TECPR1: variants seen among roughly 807,000 people sequenced by gnomAD.
TECPR1 encodes tectonin beta-propeller repeat containing 1.
Under a neutral mutation model 162.4 loss-of-function variants are expected in TECPR1, and 122 were observed. The ratio of observed to expected loss-of-function variants is 0.75; its 90% CI spans 0.65 to 0.87. The LOEUF (loss-of-function observed/expected upper bound fraction) is 0.87, where lower values mean the gene tolerates loss of function less well. TECPR1 is among the 40% of genes least tolerant of loss of function. TECPR1 has a pLI of 0.00. For synonymous variants in TECPR1, 642 were observed against 670.6 expected (o/e 0.96, Z 0.66); for missense variants, 1,432 against 1,618.2 (o/e 0.88, Z 1.97).
Position 98,225,046 on chromosome 7 carries a change from G to T in TECPR1, c.2570C>A (p.Thr857Lys). 6.4e-7 allele frequency: 1 copy of T among 1,562,018 alleles called. No homozygotes were observed. Among genetic ancestry groups the T allele is most frequent in the Admixed American group, 1.9e-5 (1 of 51,624 alleles). Residue 857 changes from threonine to lysine, a missense_variant, in exon 18 of 26, where the codon ACG becomes AAG. Transcript: ENST00000447648. The part of the protein sequence containing the change: ...WSDASGLQEC[T>K]KAGTKPPSLQ... ...GGACGGGGGCTTCGTGCCAGCCTTCGTGCACTCCTGCAGCCCCGAGGCATC... is the reference window on the plus strand; with the variant it reads ...GGACGGGGGCTTCGTGCCAGCCTTCTTGCACTCCTGCAGCCCCGAGGCATC...
intron 22 of TECPR1, among the ~76,000 whole-genome samples, 167 bp from the exon 23 acceptor site, chr7:98,221,920 G>C (rs1008996868): frequency 2.0e-5 from 3 of 152,138 alleles, no homozygotes; most frequent in Non-Finnish European, 4.4e-5. Context: ...ACTGTGCCTG[G>C]GGTCTCTGGA....
chr7:98,223,625 GC>G (rs759447312), intron 20 of TECPR1, 36 bp downstream of exon 20: 9 of 1,611,776 alleles, frequency 5.6e-6, no homozygotes, highest in Non-Finnish European at 7.6e-6. Flanking sequence ...TCCTCCAGGA[GC>G]CTGACCGTGA....
At position 98,229,158 on chromosome 7, in the gene TECPR1, C is replaced by T. The variant is rs774618751; in HGVS notation, c.2291G>A (p.Arg764Gln). 1.2e-5 allele frequency: 18 copies of T among 1,559,458 alleles called. No individual in the cohort carries two copies. The highest frequency in any genetic ancestry group is 1.5e-5 in the Non-Finnish European group (17 of 1,152,150). Residue 764 changes from arginine (R) to glutamine (Q), a missense_variant, in exon 16 of 26, where the codon CGG becomes CAG. Coordinates refer to ENST00000447648, the MANE Select transcript of TECPR1 (RefSeq NM_015395.3). Reference protein sequence around the residue: ...HPLPCDQMFWRQMGGHLRMVE... With the variant: ...HPLPCDQMFWQQMGGHLRMVE... ...CATCCGCAGGTGGCCTCCCATCTGC[C>T]GCCAAAACCTGGAAGGATGGGAGAG...
intron 18 of TECPR1, 46 bp from the exon 19 acceptor site, chr7:98,224,926 G>A (rs1479197491): frequency 2.6e-6 from 4 of 1,549,610 alleles, no homozygotes; most frequent in Non-Finnish European, 3.5e-6. Flanking sequence ...GAATCCAGAA[G>A]GCAGTCAGAA....
rs1191673100 is a variant in TECPR1 at position 98,224,835 on chromosome 7, G to C, written c.2656C>G (p.Gln886Glu). The change falls in exon 19 of 26, where the codon CAG becomes GAG. Residue 886 changes from glutamine (Q) to glutamate (E), a missense_variant. Physicochemically the swap from Gln to Glu is conservative, Grantham distance 29. Coordinates refer to ENST00000447648, the MANE Select transcript of TECPR1 (RefSeq NM_015395.3). ...VDFSVPGGTD[Q>E]EGWQYASDFP... ...TCGCTGGCATACTGCCACCCCTCCTGGTCCGTGCCCCCCGGAACGCTGAAA... is the reference window on the plus strand; with the variant it reads ...TCGCTGGCATACTGCCACCCCTCCTCGTCCGTGCCCCCCGGAACGCTGAAA... The C allele has an allele frequency of 6.3e-7, 1 of 1,580,590 alleles. No homozygotes were observed. The highest frequency in any genetic ancestry group is 8.6e-7 in the Non-Finnish European group (1 of 1,164,142).
At chr7:98,219,995 C>A (rs1329813732) in intron 23 of TECPR1, among the ~76,000 whole-genome samples, 1 of 151,958 alleles carries the variant, frequency 6.6e-6, no homozygotes, top group Non-Finnish European at 1.5e-5. Flanking sequence ...CCAAACCACA[C>A]TGAGATATTA....
At chr7:98,243,620 C>T (rs771317005) in intron 5 of TECPR1, 28 bp from the exon 6 acceptor site, 7 of 1,603,768 alleles carry the variant, frequency 4.4e-6, no homozygotes, top group Non-Finnish European at 5.1e-6. Flanking sequence ...GAAATGGTAG[C>T]AGTCAGCGCC....
chr7:98,223,794 T>C (rs1255801430), intron 19 of TECPR1, 76 bp from the exon 20 acceptor site: 15 of 1,516,480 alleles, frequency 9.9e-6, no homozygotes, highest in Non-Finnish European at 2.7e-6. Context: ...GTAAACATTC[T>C]TGTTCTACCC....
rs979998738 is a variant in TECPR1, at chr7:98,217,640, C to T, written c.3384+52G>A. 8 of 1,518,706 alleles carry T rather than the reference C, an allele frequency of 5.3e-6. No individual in the cohort carries two copies. In the Admixed American group the frequency reaches 6.0e-5, roughly 11 times the overall value. The allele number at this position is 1,518,706 out of a possible 1,614,324, so 94.1% of individuals were successfully genotyped here. A position where few individuals can be genotyped will look rare whatever the true frequency, so the allele number is the denominator to read the frequency against. On this transcript the variant is annotated intron_variant, in intron 25 of 25. Coordinates refer to ENST00000447648, the MANE Select transcript of TECPR1 (RefSeq NM_015395.3). ...ACAGTGGTCGTCCCGTCTTCAGCAC[C>T]CAGTGCAGGCACAAGGTGATAACAC...
intron 25 of TECPR1, 26 bp from the exon 26 acceptor site, chr7:98,217,529 G>A (rs1436098911): frequency 6.8e-7 from 1 of 1,477,938 alleles, no homozygotes; most frequent in South Asian, 1.2e-5. Flanking sequence ...TGTGTCACCA[G>A]GGGACTCGGG....
intron 2 of TECPR1, among the ~76,000 whole-genome samples, chr7:98,247,554 C>T (rs1253477998): frequency 2.6e-5 from 4 of 152,090 alleles, no homozygotes. Context: ...GCAGGTCTCC[C>T]CGCCATGTTG....
intron 20 of TECPR1, among the ~76,000 whole-genome samples, chr7:98,223,405 C>T (rs1798193253): frequency 1.3e-5 from 2 of 148,172 alleles, no homozygotes; most frequent in Admixed American, 1.4e-4. Context: ...GTGGAGTGTG[C>T]CAGTGACATT....
At chr7:98,222,756 C>T in intron 21 of TECPR1, 1 of 786,270 alleles carries the variant, frequency 1.3e-6, no homozygotes, top group Non-Finnish European at 2.1e-6. Context: ...CACCGGGGTG[C>T]TGACCACCAA....
chr7:98,249,175 C>T (rs1451957941), intron 2 of TECPR1, among the ~76,000 whole-genome samples: 4 of 152,120 alleles, frequency 2.6e-5, no homozygotes, highest in East Asian at 1.9e-4. Flanking sequence ...CTGGCCCTGG[C>T]TGGGACAAGG....
At chr7:98,234,705 C>CTTTTTTTTTTT (rs34332931) in intron 10 of TECPR1, among the ~76,000 whole-genome samples, 4 of 73,500 alleles carry the variant, frequency 5.4e-5, no homozygotes, top group Non-Finnish European at 7.6e-5. Flanking sequence ...TTGTTATTGT[C>CTTTTTTTTTTT]TTTTTTTTTT....
intron 17 of TECPR1, 34 bp from the exon 18 acceptor site, chr7:98,225,136 G>A (rs1329121919): frequency 6.5e-7 from 1 of 1,539,056 alleles, no homozygotes; most frequent in Admixed American, 2.0e-5. Context: ...TGACGAGGGA[G>A]ACTGGGGAAT....
chr7:98,235,849 A>AAAAAAAAAAAAAAAAAAC, intron 10 of TECPR1, among the ~76,000 whole-genome samples: 1 of 110,258 alleles, frequency 9.1e-6, no homozygotes, highest in African/African-American at 3.1e-5. Flanking sequence ...AAAAAAAAAA[A>AAAAAAAAAAAAAAAAAAC]AACACCATCT....
chr7:98,229,987 T>C (rs1479837156), intron 15 of TECPR1, among the ~76,000 whole-genome samples: 2 of 147,844 alleles, frequency 1.4e-5, no homozygotes, highest in Non-Finnish European at 3.0e-5. Flanking sequence ...ATTCCCCCTT[T>C]GTGGCTTTTT....
chr7:98,233,591 T>G lies in TECPR1; in HGVS notation c.1502A>C (p.His501Pro), dbSNP rs1352686011. The G allele has an allele frequency of 6.3e-7, 1 of 1,588,892 alleles. No homozygotes were observed. Among genetic ancestry groups the G allele is most frequent in the East Asian group, 2.2e-5 (1 of 44,576 alleles). ...GGTCTCGGGGAAGCCAGCGGCCGAG[T>G]GGCTGGGCACTTTCTTGGCCTCCTT... Reference protein sequence around the residue: ...DLKEAKKVPSHSAAGFPETTS... With the variant: ...DLKEAKKVPSPSAAGFPETTS... Residue 501 changes from histidine (H) to proline (P), a missense_variant, in exon 11 of 26, where the codon CAC becomes CCC. Transcript: ENST00000447648.
Sources: gnomAD v4.1 joint callset for allele counts (sites outside exome capture counted in the v4.1 genomes callset) on GRCh38, gnomAD v4.1.1 for gene constraint, MANE v1.5 for transcripts, NCBI Gene and HGNC (gene_info 2026-07-23, HGNC 2026-07-21) for gene names.